Variants in TLL2 observed in about 807,000 individuals in gnomAD.
TLL2 encodes the protein tolloid-like protein 2.
Under a neutral mutation model 123.0 loss-of-function variants are expected in TLL2, and 106 were observed. That is an observed-to-expected ratio of 0.86 (90% confidence interval 0.74 to 1.01). The LOEUF (loss-of-function observed/expected upper bound fraction) is 1.01. Ranked by LOEUF, TLL2 falls within the 50% of genes least tolerant of loss-of-function variation. The pLI is 0.00. For missense variants in TLL2, 1,332 were observed against 1,336.7 expected (o/e 1.00, Z 0.06); for synonymous variants, 494 against 516.8 (o/e 0.96, Z 0.60).
intron 19 of TLL2, among the ~76,000 whole-genome samples, chr10:96,372,443 A>G (rs375708092): frequency 7.2e-5 from 11 of 152,354 alleles, no homozygotes; most frequent in African/African-American, 2.2e-4. Flanking sequence ...TCAAAGGGTC[A>G]GATTTGCTTC....
At chr10:96,424,684 C>T (rs1846660977) in intron 5 of TLL2, among the ~76,000 whole-genome samples, 1 of 151,984 alleles carries the variant, frequency 6.6e-6, no homozygotes, top group African/African-American at 2.4e-5. Context: ...TTTAAGAACC[C>T]TTTGTAAATT....
At chr10:96,405,935 C>T (rs1247413484) in intron 9 of TLL2, among the ~76,000 whole-genome samples, 2 of 152,178 alleles carry the variant, frequency 1.3e-5, no homozygotes, top group Non-Finnish European at 2.9e-5. Flanking sequence ...AGACAGGGTC[C>T]TTTGCCCTTG....
At position 96,373,680 on chromosome 10, in the gene TLL2, CCGTGGGGTCTGGTTT is replaced by C; in HGVS notation, c.2563_2577del (p.Lys855_Thr859del). On this transcript the variant is annotated inframe_deletion, in exon 19 of 21. Transcript: ENST00000357947. ...AGAAACATACTGCTGCCGGAAGCCA[CCGTGGGGTCTGGTTT>C]CTTGCTGCCGCAGAAACGGCCCAGA... is the stretch of plus-strand genomic sequence containing the variant. The C allele has an allele frequency of 6.2e-7, 1 of 1,614,252 alleles. No homozygotes were observed. Among genetic ancestry groups the C allele is most frequent in the Non-Finnish European group, 8.5e-7 (1 of 1,180,054 alleles).
intron 3 of TLL2, 146 bp downstream of exon 3, chr10:96,445,945 A>C (rs1211403694): frequency 1.1e-5 from 9 of 809,024 alleles, no homozygotes; most frequent in Non-Finnish European, 1.4e-5. Context: ...TCTGGAACTC[A>C]ATAGGGGTAA....
At chr10:96,375,103 G>C (rs1229317276) in intron 18 of TLL2, among the ~76,000 whole-genome samples, 1 of 152,114 alleles carries the variant, frequency 6.6e-6, no homozygotes, top group East Asian at 1.9e-4. Flanking sequence ...CTTGGGCAAA[G>C]CTCTCCCGCC....
At chr10:96,368,836 T>A (rs767351422) in intron 20 of TLL2, among the ~76,000 whole-genome samples, 11 of 152,228 alleles carry the variant, frequency 7.2e-5, no homozygotes, top group Non-Finnish European at 1.5e-4. Flanking sequence ...GAGGTTCTAG[T>A]GGAGCCAAAG....
chr10:96,513,804 GCT>G lies in TLL2; in HGVS notation c.-121_-120del. On this transcript the variant is annotated 5_prime_UTR_variant, in exon 1 of 21. An upstream open reading frame in the 5' UTR loses its in-frame stop. Coordinates refer to ENST00000357947, the MANE Select transcript of TLL2 (RefSeq NM_012465.4). The stretch of plus-strand genomic sequence containing the variant: ...CGGGACTCGGTGGTTACACAGGGCT[GCT>G]GGGCATGGCTCAGGCGCGGAGCAAG... 1.9e-6 allele frequency: 2 copies of G among 1,079,238 alleles called. No individual in the cohort carries two copies. The highest frequency in any genetic ancestry group is 3.9e-5 in the South Asian group (2 of 51,112). The allele number at this position is 1,079,238 out of a possible 1,614,324, so 66.9% of individuals were successfully genotyped here.
chr10:96,413,185 T>C lies in TLL2; in HGVS notation c.1048+7A>G. On this transcript the variant is annotated splice_region_variant and intron_variant, in intron 8 of 20. Coordinates refer to ENST00000357947, the MANE Select transcript of TLL2 (RefSeq NM_012465.4). ...AGGTGCTGGCAGTCCCCACGGCTCATAGTTACCTGGGCATTTGTACAGCTT... is the reference window on the plus strand; with the variant it reads ...AGGTGCTGGCAGTCCCCACGGCTCACAGTTACCTGGGCATTTGTACAGCTT... 4 of 1,613,876 alleles carry C rather than the reference T, an allele frequency of 2.5e-6. No individual in the cohort carries two copies. The highest frequency in any genetic ancestry group is 3.4e-6 in the Non-Finnish European group (4 of 1,179,814).
intron 4 of TLL2, among the ~76,000 whole-genome samples, chr10:96,432,437 C>T (rs1358876322): frequency 6.6e-6 from 1 of 152,098 alleles, no homozygotes; most frequent in Non-Finnish European, 1.5e-5. Flanking sequence ...GTCCAGGACG[C>T]TCATCCAGGC....
intron 17 of TLL2, among the ~76,000 whole-genome samples, chr10:96,378,271 G>A (rs578232484): frequency 2.8e-4 from 42 of 152,334 alleles, no homozygotes; most frequent in South Asian, 2.5e-3. Context: ...GCAGGGTTTC[G>A]TGGCTGGAGC....
chr10:96,433,021 C>A, intron 3 of TLL2, 59 bp from the exon 4 acceptor site: 1 of 1,577,690 alleles, frequency 6.3e-7, no homozygotes. Context: ...TGAATTATGG[C>A]TGAGGTTGTA....
rs760488537 is a variant in TLL2, at chr10:96,432,896, G to C, written c.431C>G (p.Ser144Cys). The C allele has an allele frequency of 2.7e-5, 43 of 1,614,030 alleles. No homozygotes were observed. Among genetic ancestry groups the C allele is most frequent in the Non-Finnish European group, 2.6e-5 (31 of 1,180,024 alleles). The change falls in exon 4 of 21, where the codon TCT becomes TGT. Residue 144 changes from serine (S) to cysteine (C), a missense_variant. By Grantham distance (112) the Ser-to-Cys change is moderately radical (BLOSUM62 -1). Transcript: ENST00000357947. ...GTLHAAAKTFSPRVRRATTSR... is the reference protein window; with the variant it reads ...GTLHAAAKTFCPRVRRATTSR... ...GGTTGTGGCTCTTCGGACCCGGGGAGAGAAGGTCTTGGCTGCGGCATGCAA... is the reference window on the plus strand; with the variant it reads ...GGTTGTGGCTCTTCGGACCCGGGGACAGAAGGTCTTGGCTGCGGCATGCAA...
At chr10:96,404,160 C>T (rs1372550425) in intron 10 of TLL2, among the ~76,000 whole-genome samples, 1 of 152,172 alleles carries the variant, frequency 6.6e-6, no homozygotes, top group African/African-American at 2.4e-5. Flanking sequence ...TCCCCTGGGC[C>T]CACTGTTGTT....
rs527446829 is a variant in TLL2 at position 96,383,391 on chromosome 10, G to C, written c.2194+1196C>G. The stretch of plus-strand genomic sequence containing the variant: ...TTCCCACGTGTTGTGGGAGGAACCC[G>C]GTGGGAGAGAATTGAATCATGGAGG... On this transcript the variant is annotated intron_variant, in intron 16 of 20. Coordinates refer to ENST00000357947, the MANE Select transcript of TLL2 (RefSeq NM_012465.4). 6.6e-5 allele frequency among the ~76,000 whole-genome samples: 10 copies of C among 152,096 alleles called. 1 individual carries two copies. The highest frequency in any genetic ancestry group is 1.9e-4 in the African/African-American group (8 of 41,412).
intron 8 of TLL2, among the ~76,000 whole-genome samples, chr10:96,411,020 T>A (rs1181985117): frequency 6.6e-6 from 1 of 151,684 alleles, no homozygotes; most frequent in Non-Finnish European, 1.5e-5. Context: ...GGCGGGTGGG[T>A]CATTTGAGGT....
intron 2 of TLL2, among the ~76,000 whole-genome samples, chr10:96,477,788 C>T (rs1847273971): frequency 6.6e-6 from 1 of 152,202 alleles, no homozygotes; most frequent in Admixed American, 6.5e-5. Flanking sequence ...TCAGCACTCT[C>T]ACCACCCTTC....
intron 10 of TLL2, 139 bp downstream of exon 10, chr10:96,405,093 G>A: frequency 2.7e-6 from 2 of 730,844 alleles, no homozygotes; most frequent in South Asian, 3.6e-5. Context: ...GTGGCCAAAT[G>A]GAGTGCTCAG....
At chr10:96,458,444 A>G (rs10786290) in intron 2 of TLL2, among the ~76,000 whole-genome samples, 88,097 of 151,744 alleles carry the variant, frequency 0.58, 25,663 homozygotes, top group Middle Eastern at 0.69. Flanking sequence ...AAAATTCGCC[A>G]GGCTTGGTGG....
At chr10:96,427,670 T>C (rs769993428) in intron 5 of TLL2, among the ~76,000 whole-genome samples, 5 of 152,250 alleles carry the variant, frequency 3.3e-5, no homozygotes, top group Admixed American at 1.3e-4. Context: ...AGCTTTCTTT[T>C]TGTTAGCATT....
Sources: allele counts gnomAD v4.1 joint callset (sites outside exome capture counted in the v4.1 genomes callset), GRCh38; gene constraint gnomAD v4.1.1; transcripts MANE v1.5; gene names NCBI Gene and HGNC (gene_info 2026-07-23, HGNC 2026-07-21).